The following KNL1 variants were observed in gnomAD, a reference collection of about 807,000 sequenced individuals.
KNL1 encodes kinetochore scaffold 1.
In KNL1, 66 loss-of-function variants were observed where a neutral mutation model predicts 201.3. The ratio of observed to expected loss-of-function variants is 0.33; its 90% CI spans 0.27 to 0.40. KNL1 has a LOEUF of 0.40. KNL1 is among the 10% of genes least tolerant of loss of function. The pLI, the probability that KNL1 is intolerant of heterozygous loss-of-function variation, is 1.00. For synonymous variants in KNL1, 895 were observed against 899.2 expected, an observed-to-expected ratio of 1.00 and a Z score of 0.08; for missense variants, 2,815 against 2,690.5, an observed-to-expected ratio of 1.05 and a Z score of -1.02.
chr15:40,598,031 G>A (rs961437009), intron 1 of KNL1, among the ~76,000 whole-genome samples: 5 of 152,118 alleles, frequency 3.3e-5, no homozygotes, highest in East Asian at 3.9e-4. Flanking sequence ...TTAGCTGGGC[G>A]TGGTGGCAGG....
chr15:40,637,380 T>A (rs1037962558), intron 13 of KNL1, among the ~76,000 whole-genome samples: 1 of 151,388 alleles, frequency 6.6e-6, no homozygotes, highest in Non-Finnish European at 1.5e-5. Flanking sequence ...TTTTTTTTTT[T>A]AAGTTTACTT....
At chr15:40,598,958 C>T (rs1217346985) in intron 1 of KNL1, among the ~76,000 whole-genome samples, 1 of 151,822 alleles carries the variant, frequency 6.6e-6, no homozygotes, top group Non-Finnish European at 1.5e-5. Flanking sequence ...CATGTGCTAC[C>T]ATACCTGGTT....
intron 24 of KNL1, among the ~76,000 whole-genome samples, 188 bp downstream of exon 24, chr15:40,657,661 G>A (rs776787779): frequency 3.9e-5 from 6 of 152,132 alleles, no homozygotes; most frequent in African/African-American, 7.2e-5. Context: ...GCATTCCTTG[G>A]CTTGTAAATG....
chr15:40,657,296 C>A, intron 23 of KNL1, 59 bp from the exon 24 acceptor site: 2 of 1,102,952 alleles, frequency 1.8e-6, no homozygotes, highest in Non-Finnish European at 2.8e-6. Flanking sequence ...TGTAAGTGAG[C>A]CACTAAGCAT....
intron 6 of KNL1, chr15:40,610,931 G>A (rs1445047528): frequency 2.3e-6 from 1 of 432,124 alleles, no homozygotes; most frequent in African/African-American, 2.0e-5. Flanking sequence ...TGTATTTTTA[G>A]TAGAGACAGG....
intron 8 of KNL1, among the ~76,000 whole-genome samples, chr15:40,618,748 A>G (rs1892422238): frequency 6.6e-6 from 1 of 152,198 alleles, no homozygotes; most frequent in African/African-American, 2.4e-5. Flanking sequence ...CAATGTATAC[A>G]AGTATCAAAA....
In KNL1 at chr15:40,632,601, C is replaced by CA. The variant is rs201326648; in HGVS notation, c.5682+3239dup. Among the ~76,000 whole-genome samples the CA allele has an allele frequency of 1.4e-3, 207 of 148,282 alleles. 1 individual carries two copies. The highest frequency in any genetic ancestry group is 0.01 in the Middle Eastern group (3 of 286). On this transcript the variant is annotated intron_variant, in intron 13 of 25. Transcript: ENST00000399668. Reference sequence around the variant, plus strand: ...TTGGAGATAGAGCCGGACCCTGTCTCAAAAAAAAACGAAGAAAGTGAAAAG... The same window carrying CA: ...TTGGAGATAGAGCCGGACCCTGTCTCAAAAAAAAAACGAAGAAAGTGAAAAG...
At chr15:40,634,873 G>T (rs1243246864) in intron 13 of KNL1, among the ~76,000 whole-genome samples, 1 of 152,118 alleles carries the variant, frequency 6.6e-6, no homozygotes, top group East Asian at 1.9e-4. Flanking sequence ...AGGTCTTGCT[G>T]AAGTCAGGAG....
chr15:40,603,734 G>A (rs908675952), intron 2 of KNL1, among the ~76,000 whole-genome samples: 6 of 152,234 alleles, frequency 3.9e-5, no homozygotes, highest in Non-Finnish European at 7.3e-5. Context: ...GTGGCATAGC[G>A]TAAAGCAGCA....
At chr15:40,627,508 C>T (rs1279071584) in intron 10 of KNL1, among the ~76,000 whole-genome samples, 5 of 146,572 alleles carry the variant, frequency 3.4e-5, no homozygotes, top group African/African-American at 7.6e-5. Context: ...AGTGAGACTC[C>T]GCCTCAAAAA....
At position 40,623,202 on chromosome 15, in the gene KNL1, A is replaced by C; in HGVS notation, c.2938A>C (p.Arg980=). 1 of 1,614,040 alleles carries C rather than the reference A, an allele frequency of 6.2e-7. No individual in the cohort carries two copies. Among genetic ancestry groups the C allele is most frequent in the Non-Finnish European group, 8.5e-7 (1 of 1,179,916 alleles). Residue 980 remains arginine, a synonymous_variant, in exon 10 of 26, where the codon AGG becomes CGG. Coordinates refer to ENST00000399668, the MANE Select transcript of KNL1 (RefSeq NM_144508.5). The part of the protein sequence containing the change: ...TDRPNFELSQ[R]KSLGTPTVIC... ...CAGACCTAACTTTGAACTATCCCAA[A>C]GGAAAAGCCTAGGAACACCAACAGT...
chr15:40,647,081 TATTTTAAATACTTTTCCAAAAGA>T lies in KNL1; in HGVS notation c.6094+9_6094+31del. On this transcript the variant is annotated splice_region_variant and intron_variant, in intron 17 of 25. Coordinates refer to ENST00000399668, the MANE Select transcript of KNL1 (RefSeq NM_144508.5). ...CTCACTGAGATGGAAACAGGTAAAG[TATTTTAAATACTTTTCCAAAAGA>T]AAATTTAATTTTATCTAAATGCTCT... The T allele has an allele frequency of 7.4e-7, 1 of 1,345,212 alleles. No individual in the cohort carries two copies. The highest frequency in any genetic ancestry group is 2.3e-5 in the East Asian group (1 of 43,522). The allele number at this position is 1,345,212 out of a possible 1,614,324, so 83.3% of individuals were successfully genotyped here.
intron 17 of KNL1, 81 bp from the exon 18 acceptor site, chr15:40,650,220 A>G: frequency 1.1e-6 from 1 of 904,792 alleles, no homozygotes; most frequent in Non-Finnish European, 1.7e-6. Context: ...TTTTTGATTG[A>G]ATTATTCTTT....
intron 13 of KNL1, among the ~76,000 whole-genome samples, chr15:40,631,449 C>T (rs906729985): frequency 9.2e-5 from 14 of 152,148 alleles, no homozygotes; most frequent in East Asian, 3.9e-4. Flanking sequence ...TCTTTGTTGT[C>T]GTGGAGTCTA....
Position 40,621,366 on chromosome 15 carries a change from C to G in KNL1, c.1102C>G (p.Gln368Glu). The G allele has an allele frequency of 1.2e-6, 2 of 1,611,030 alleles. No homozygotes were observed. Among genetic ancestry groups the G allele is most frequent in the Non-Finnish European group, 1.7e-6 (2 of 1,178,324 alleles). The part of the protein sequence containing the change: ...SGNKTVFKSK[Q>E]NTAFQDLSIN... Reference sequence around the variant, plus strand: ...AAATAAAACAGTTTTTAAGAGTAAACAAAATACTGCTTTTCAAGACCTTTC... The same window carrying G: ...AAATAAAACAGTTTTTAAGAGTAAAGAAAATACTGCTTTTCAAGACCTTTC... The change falls in exon 10 of 26, where the codon CAA becomes GAA. Residue 368 changes from glutamine to glutamate, a missense_variant. Coordinates refer to ENST00000399668, the MANE Select transcript of KNL1 (RefSeq NM_144508.5).
intron 13 of KNL1, among the ~76,000 whole-genome samples, chr15:40,634,061 A>ATG (rs979524762): frequency 2.6e-5 from 4 of 151,992 alleles, no homozygotes; most frequent in Non-Finnish European, 4.4e-5. Flanking sequence ...GCCTAGGCTA[A>ATG]TGTGTGTGTT....
At position 40,645,784 on chromosome 15, in the gene KNL1, C is replaced by T; in HGVS notation, c.6006+12C>T. The T allele has an allele frequency of 1.5e-6, 2 of 1,294,530 alleles. No individual in the cohort carries two copies. Among genetic ancestry groups the T allele is most frequent in the Non-Finnish European group, 2.2e-6 (2 of 921,780 alleles). The allele number at this position is 1,294,530 out of a possible 1,614,324, so 80.2% of individuals were successfully genotyped here. A position where few individuals can be genotyped will look rare whatever the true frequency, so the allele number is the denominator to read the frequency against. ...TGCAGTCAGCTCAGGTAATTTGAGA[C>T]AGTTAATATCATAGAAAGAGAGAGA... On this transcript the variant is annotated intron_variant, in intron 16 of 25. Transcript: ENST00000399668.
chr15:40,633,735 C>A (rs1298111007), intron 13 of KNL1, among the ~76,000 whole-genome samples: 1 of 151,804 alleles, frequency 6.6e-6, no homozygotes, highest in Non-Finnish European at 1.5e-5. Flanking sequence ...GAGATGGGGT[C>A]TCGGTATGTT....
At chr15:40,656,657 G>A (rs1203893203) in intron 22 of KNL1, among the ~76,000 whole-genome samples, 3 of 152,136 alleles carry the variant, frequency 2.0e-5, no homozygotes, top group Non-Finnish European at 2.9e-5. Flanking sequence ...AGGCCAAGGC[G>A]GGTGGATTAC....
Sources: allele counts gnomAD v4.1 joint callset (sites outside exome capture counted in the v4.1 genomes callset), GRCh38; gene constraint gnomAD v4.1.1; transcripts MANE v1.5; gene names NCBI Gene and HGNC (gene_info 2026-07-23, HGNC 2026-07-21).